TCF4: variants seen among roughly 807,000 people sequenced by gnomAD.
The protein encoded by TCF4 is transcription factor 4, also known as SL3-3 enhancer factor 2.
TCF4 carries 3 observed loss-of-function variants against 82.1 expected under a neutral mutation model. The observed-to-expected ratio is 0.04, with a 90% CI of 0.02 to 0.09. The LOEUF (loss-of-function observed/expected upper bound fraction) is 0.09, where lower values mean the gene tolerates loss of function less well. TCF4 is among the 10% of genes least tolerant of loss of function. The pLI is 1.00. For synonymous variants in TCF4, 276 were observed against 309.6 expected, an observed-to-expected ratio of 0.89 and a Z score of 1.14; for missense variants, 518 against 852.7, an observed-to-expected ratio of 0.61 and a Z score of 4.89.
intron 8 of TCF4, among the ~76,000 whole-genome samples, chr18:55,282,275 T>G (rs988642231): frequency 5.3e-5 from 8 of 152,038 alleles, no homozygotes; most frequent in Non-Finnish European, 8.8e-5. Context: ...ATAAGAAAAC[T>G]GAATAATGAA....
intron 13 of TCF4, 90 bp from the exon 14 acceptor site, chr18:55,257,481 T>G: frequency 8.2e-7 from 1 of 1,224,512 alleles, no homozygotes; most frequent in South Asian, 1.2e-5. Flanking sequence ...GAAATGGCAA[T>G]GGCAATGATG....
chr18:55,301,646 T>G (rs2068311873), intron 8 of TCF4, among the ~76,000 whole-genome samples: 1 of 152,098 alleles, frequency 6.6e-6, no homozygotes, highest in Non-Finnish European at 1.5e-5. Flanking sequence ...GTTTAAATAT[T>G]TTCCAGATGG....
At chr18:55,430,214 T>C (rs1390004321) in intron 5 of TCF4, among the ~76,000 whole-genome samples, 2 of 152,168 alleles carry the variant, frequency 1.3e-5, no homozygotes, top group Non-Finnish European at 2.9e-5. Context: ...ACAGATCCCG[T>C]TGCATTTTCT....
At chr18:55,343,949 A>G (rs527882909) in intron 8 of TCF4, among the ~76,000 whole-genome samples, 2 of 152,296 alleles carry the variant, frequency 1.3e-5, no homozygotes, top group South Asian at 4.1e-4. Flanking sequence ...TTTTATGTTC[A>G]GTTTAATAAT....
At chr18:55,387,211 G>A (rs555609795) in intron 6 of TCF4, among the ~76,000 whole-genome samples, 4 of 152,284 alleles carry the variant, frequency 2.6e-5, no homozygotes, top group African/African-American at 7.2e-5. Context: ...TATAGGTGTG[G>A]GCTCATGCTT....
chr18:55,237,642 G>C (rs1041655019), intron 15 of TCF4, among the ~76,000 whole-genome samples: 23 of 151,538 alleles, frequency 1.5e-4, no homozygotes, highest in Admixed American at 1.5e-3. Flanking sequence ...CTAATTTGTC[G>C]TGATGTTTTA....
intron 6 of TCF4, among the ~76,000 whole-genome samples, chr18:55,358,644 T>C (rs1166758687): frequency 6.6e-6 from 1 of 152,264 alleles, no homozygotes; most frequent in Non-Finnish European, 1.5e-5. Flanking sequence ...AGTTCTCTGC[T>C]CCACACTCAC....
At chr18:55,627,921 G>A (rs570576503) in intron 2 of TCF4, among the ~76,000 whole-genome samples, 10 of 152,192 alleles carry the variant, frequency 6.6e-5, no homozygotes, top group Admixed American at 3.9e-4. Context: ...TTAGCAGGGC[G>A]TGGTGGCAGG....
intron 13 of TCF4, chr18:55,257,592 G>T: frequency 1.6e-6 from 1 of 606,456 alleles, no homozygotes; most frequent in Non-Finnish European, 2.9e-6. Context: ...ACTTTACATA[G>T]ACTCACAATT....
chr18:55,268,849 A>G (rs1266510891), intron 11 of TCF4: 1 of 152,156 alleles, frequency 6.6e-6, no homozygotes, highest in Non-Finnish European at 1.5e-5. Context: ...CTCCCCACCG[A>G]CGCTCTGACA....
intron 3 of TCF4, among the ~76,000 whole-genome samples, chr18:55,506,376 C>T (rs1172376207): frequency 2.6e-5 from 4 of 152,164 alleles, no homozygotes; most frequent in African/African-American, 9.7e-5. Flanking sequence ...TTCCCAGTTC[C>T]CAAGTCAAGT....
chr18:55,270,039 C>T, intron 10 of TCF4, 76 bp from the exon 11 acceptor site: 2 of 1,570,422 alleles, frequency 1.3e-6, no homozygotes, highest in Non-Finnish European at 1.7e-6. Flanking sequence ...ATACTTTTCT[C>T]ACAACTCTCT....
chr18:55,423,731 G>GACAC (rs1034536817), intron 5 of TCF4: 1 of 152,326 alleles, frequency 6.6e-6, no homozygotes, highest in African/African-American at 2.4e-5. Context: ...CAGTCTGTCA[G>GACAC]ACACACACAC....
At chr18:55,589,739 TTGA>T, upstream of TCF4, 1 of 1,020,980 alleles carries the variant, frequency 9.8e-7, no homozygotes, top group Non-Finnish European at 1.2e-6. Context: ...TGGAGTCACA[TTGA>T]TAATAATAGG....
rs187067560 is a variant in TCF4 at position 55,301,276 on chromosome 18, C to G, written c.550-21620G>C. On this transcript the variant is annotated intron_variant, in intron 8 of 19. Coordinates refer to ENST00000354452, the MANE Select transcript of TCF4 (RefSeq NM_001083962.2). ...TGCCAATTGCTGGTTGAATGTAATA[C>G]AGTAGGTAAAATCCGTCTCTTATTT... Among the ~76,000 whole-genome samples the G allele has an allele frequency of 3.3e-4, 51 of 152,294 alleles. No homozygotes were observed. In the Middle Eastern group the frequency reaches 0.01, roughly 30 times the overall value.
At chr18:55,620,800 C>CTTTTTTTTTTTT (rs35186442) in intron 2 of TCF4, among the ~76,000 whole-genome samples, 1 of 143,762 alleles carries the variant, frequency 7.0e-6, no homozygotes, top group Non-Finnish European at 1.5e-5. Context: ...TTGTCCAGTT[C>CTTTTTTTTTTTT]TTTTTTTTTT....
At chr18:55,600,546 A>G (rs944360734) in intron 2 of TCF4, among the ~76,000 whole-genome samples, 2 of 152,190 alleles carry the variant, frequency 1.3e-5, no homozygotes, top group African/African-American at 4.8e-5. Context: ...CACTTTGTCC[A>G]TTCTCACGGG....
intron 8 of TCF4, chr18:55,322,282 T>C: frequency 3.8e-6 from 4 of 1,050,590 alleles, no homozygotes; most frequent in Non-Finnish European, 2.3e-6. Context: ...TTTAATTTGA[T>C]TAAAAAGCGA....
intron 5 of TCF4, among the ~76,000 whole-genome samples, chr18:55,408,536 G>A (rs570349176): frequency 3.9e-5 from 6 of 152,220 alleles, no homozygotes; most frequent in African/African-American, 1.2e-4. Context: ...GTCCTTCATC[G>A]TTTCCATGCC....
Sources: allele counts gnomAD v4.1 joint callset (sites outside exome capture counted in the v4.1 genomes callset), GRCh38; gene constraint gnomAD v4.1.1; transcripts MANE v1.5; gene names NCBI Gene and HGNC (gene_info 2026-07-23, HGNC 2026-07-21).